The following DROSHA variants were observed in gnomAD, a reference collection of about 807,000 sequenced individuals.
The protein encoded by DROSHA is ribonuclease 3.
Under a neutral mutation model 181.9 loss-of-function variants are expected in DROSHA, and 56 were observed. That is an observed-to-expected ratio of 0.31 (90% CI 0.25 to 0.38). The LOEUF (loss-of-function observed/expected upper bound fraction) is 0.38, where lower values mean the gene tolerates loss of function less well. DROSHA is among the 10% of genes least tolerant of loss of function. DROSHA has a pLI of 1.00. For synonymous variants in DROSHA, 524 were observed against 591.2 expected, an observed-to-expected ratio of 0.89 and a Z score of 1.65; for missense variants, 1,218 against 1,743.5, an observed-to-expected ratio of 0.70 and a Z score of 5.37.
At position 31,528,258 on chromosome 5, in the gene DROSHA, A is replaced by G. The variant is rs149914055; in HGVS notation, c.20+782T>C. The stretch of plus-strand genomic sequence containing the variant: ...TCCCAAGTTACACCTTTAGCCCACA[A>G]CTTCTGAGCTCCAGACCCACACTGC... On this transcript the variant is annotated intron_variant, in intron 4 of 35. Coordinates refer to ENST00000344624, the MANE Select transcript of DROSHA (RefSeq NM_001382508.1). 5.1e-3 allele frequency among the ~76,000 whole-genome samples: 774 copies of G among 152,112 alleles called. 9 individuals carry two copies. Among genetic ancestry groups the G allele is most frequent in the African/African-American group, 0.018 (737 of 41,484 alleles).
chr5:31,400,726 C>T lies in DROSHA; in HGVS notation c.*706G>A, dbSNP rs1024699868. On this transcript the variant is annotated 3_prime_UTR_variant, in exon 36 of 36. Coordinates refer to ENST00000344624, the MANE Select transcript of DROSHA (RefSeq NM_001382508.1). ...ATAGTATTGGGAGGTTTTTGACTTC[C>T]TTGAAGTCTGTTCATTAACTTCTTA... The T allele has an allele frequency of 6.6e-6, 1 of 152,286 alleles. No individual in the cohort carries two copies. Among genetic ancestry groups the T allele is most frequent in the African/African-American group, 2.4e-5 (1 of 41,438 alleles). The allele number at this position is 152,286 out of a possible 1,614,324, so 9.4% of individuals were successfully genotyped here.
At position 31,521,126 on chromosome 5, in the gene DROSHA, C is replaced by T. The variant is rs756137496; in HGVS notation, c.944G>A (p.Gly315Glu). Reference protein sequence around the residue: ...RSYKKEYKRSGRSYGLSVVPE... With the variant: ...RSYKKEYKRSERSYGLSVVPE... Reference sequence around the variant, plus strand: ...TCAGTGTCAACTCCTTGCTTACCTTCCAGATCTCTTATACTCTTTTTTGTA... The same window carrying T: ...TCAGTGTCAACTCCTTGCTTACCTTTCAGATCTCTTATACTCTTTTTTGTA... Residue 315 changes from glycine to glutamate, a missense_variant, in exon 6 of 36, where the codon GGA becomes GAA. Transcript: ENST00000344624. The T allele has an allele frequency of 2.4e-5, 38 of 1,613,464 alleles. No homozygotes were observed. Among genetic ancestry groups the T allele is most frequent in the Non-Finnish European group, 3.1e-5 (36 of 1,179,572 alleles).
rs767861074 is a variant in DROSHA at position 31,431,662 on chromosome 5, C to T, written c.3059G>A (p.Arg1020Gln). The change falls in exon 26 of 36, where the codon CGA (arginine) becomes CAA (glutamine). Residue 1020 changes from arginine to glutamine, a missense_variant. Arg to Gln is a conservative substitution (Grantham distance 43). Coordinates refer to ENST00000344624, the MANE Select transcript of DROSHA (RefSeq NM_001382508.1). ...AGGCCCGTGAGCATACAGCATAAATCGATCCAGTTCAAGTTTCTACAAAAT... is the reference window on the plus strand; with the variant it reads ...AGGCCCGTGAGCATACAGCATAAATTGATCCAGTTCAAGTTTCTACAAAAT... ...AMLAKKLELDRFMLYAHGPDL... is the reference protein window; with the variant it reads ...AMLAKKLELDQFMLYAHGPDL... 12 of 1,613,854 alleles carry T rather than the reference C, an allele frequency of 7.4e-6. No homozygotes were observed. The highest frequency in any genetic ancestry group is 6.7e-5 in the Admixed American group (4 of 60,012).
In DROSHA at chr5:31,491,187, A is replaced by T. The variant is rs1008181713; in HGVS notation, c.1842+2020T>A. ...CAAAGAATTCACTTGTCCAAGGTTA[A>T]AAAAAAAAAAAAAAGGATTCAAAGA... On this transcript the variant is annotated intron_variant, in intron 13 of 35. Coordinates refer to ENST00000344624, the MANE Select transcript of DROSHA (RefSeq NM_001382508.1). 2.6e-5 allele frequency among the ~76,000 whole-genome samples: 3 copies of T among 115,256 alleles called. No homozygotes were observed. In the East Asian group the frequency reaches 9.8e-4, roughly 38 times the overall value. The allele number at this position is 115,256 out of a possible 152,430, so 75.6% of individuals were successfully genotyped here.
rs1193343281 is a variant in DROSHA, at chr5:31,530,915, G to A, written c.-164C>T. 4 of 398,524 alleles carry A rather than the reference G, an allele frequency of 1.0e-5. No individual in the cohort carries two copies. Among genetic ancestry groups the A allele is most frequent in the Non-Finnish European group, 1.8e-5 (4 of 226,046 alleles). The allele number at this position is 398,524 out of a possible 1,614,324, so 24.7% of individuals were successfully genotyped here. Reference sequence around the variant, plus strand: ...ATTTCTGTATCCTTCACATCCCCGGGAAAAGCAACCTACACACAGTAGGTG... The same window carrying A: ...ATTTCTGTATCCTTCACATCCCCGGAAAAAGCAACCTACACACAGTAGGTG... On this transcript the variant is annotated 5_prime_UTR_variant, in exon 3 of 36. Coordinates refer to ENST00000344624, the MANE Select transcript of DROSHA (RefSeq NM_001382508.1).
chr5:31,401,800 C>T (rs1740031283), intron 35 of DROSHA, among the ~76,000 whole-genome samples: 1 of 152,032 alleles, frequency 6.6e-6, no homozygotes, highest in South Asian at 2.1e-4. Flanking sequence ...CTGATGTGAA[C>T]TTGGGTATAG....
intron 4 of DROSHA, among the ~76,000 whole-genome samples, 159 bp downstream of exon 4, chr5:31,528,881 G>C (rs571006760): frequency 1.3e-5 from 2 of 152,304 alleles, no homozygotes; most frequent in Admixed American, 6.5e-5. Context: ...CCAGCCCTGG[G>C]CATGGCCCTC....
chr5:31,438,815 G>C (rs181284808), intron 23 of DROSHA, among the ~76,000 whole-genome samples: 1 of 152,156 alleles, frequency 6.6e-6, no homozygotes, highest in East Asian at 1.9e-4. Flanking sequence ...AACGAACCCA[G>C]GGAGTGCCGA....
At chr5:31,445,453 T>C (rs1746135182) in intron 23 of DROSHA, among the ~76,000 whole-genome samples, 1 of 152,212 alleles carries the variant, frequency 6.6e-6, no homozygotes, top group African/African-American at 2.4e-5. Flanking sequence ...ACTCGTTATA[T>C]GAGGCCAGTA....
intron 8 of DROSHA, among the ~76,000 whole-genome samples, chr5:31,513,274 T>C (rs1267939687): frequency 2.0e-5 from 3 of 152,128 alleles, no homozygotes; most frequent in African/African-American, 4.8e-5. Flanking sequence ...CTGTGGAAGA[T>C]GCTCAGGAAG....
At chr5:31,531,571 TTTTA>T (rs1324741183) in intron 1 of DROSHA, 46 bp from the exon 2 acceptor site, 2 of 152,198 alleles carry the variant, frequency 1.3e-5, no homozygotes, top group East Asian at 3.9e-4. Flanking sequence ...GTAAAAAGAA[TTTTA>T]AAGTGTGACT....
At chr5:31,410,273 C>CA (rs1332221156) in intron 31 of DROSHA, among the ~76,000 whole-genome samples, 1 of 152,198 alleles carries the variant, frequency 6.6e-6, no homozygotes, top group African/African-American at 2.4e-5. Flanking sequence ...GGATTATTTA[C>CA]AATGCTGCCA....
At chr5:31,440,179 A>G (rs368703392) in intron 23 of DROSHA, among the ~76,000 whole-genome samples, 1 of 152,102 alleles carries the variant, frequency 6.6e-6, no homozygotes, top group Non-Finnish European at 1.5e-5. Flanking sequence ...TCATTCCTAC[A>G]GTCAACTGGG....
At chr5:31,517,545 T>G (rs967251705) in intron 6 of DROSHA, among the ~76,000 whole-genome samples, 3 of 152,222 alleles carry the variant, frequency 2.0e-5, no homozygotes, top group African/African-American at 7.2e-5. Flanking sequence ...ATATTCTTTA[T>G]CACATGTAAC....
chr5:31,531,097 G>A (rs529770867), intron 2 of DROSHA, among the ~76,000 whole-genome samples, 173 bp from the exon 3 acceptor site: 1 of 152,284 alleles, frequency 6.6e-6, no homozygotes, highest in South Asian at 2.1e-4. Context: ...AGGCCCTGTA[G>A]ACTCAGAGAT....
intron 4 of DROSHA, chr5:31,527,602 A>AG: frequency 1.3e-5 from 2 of 153,048 alleles, no homozygotes; most frequent in Non-Finnish European, 2.9e-5. Flanking sequence ...TTATGATGGG[A>AG]TTAGTACCCT....
rs1740578879 is a variant in DROSHA, at chr5:31,526,444, C to T, written c.489G>A (p.Gln163=). 1 of 1,606,548 alleles carries T rather than the reference C, an allele frequency of 6.2e-7. No homozygotes were observed. The highest frequency in any genetic ancestry group is 8.5e-7 in the Non-Finnish European group (1 of 1,175,916). Residue 163 remains glutamine, a synonymous_variant, in exon 5 of 36, where the codon CAG becomes CAA. Coordinates refer to ENST00000344624, the MANE Select transcript of DROSHA (RefSeq NM_001382508.1). ...AGCCCGGAGGGTACTGATAATTAAC[C>T]TGCTGCGGCATGACTGGAGGGGGCG... ...HPPPPPVMPQ[Q]VNYQYPPGYS... is the part of the protein sequence containing the mutation.
chr5:31,445,861 A>T (rs618885), intron 23 of DROSHA, among the ~76,000 whole-genome samples: 10 of 152,224 alleles, frequency 6.6e-5, no homozygotes, highest in African/African-American at 1.7e-4. Context: ...TCCTACTGAG[A>T]TTAGGAAGAC....
chr5:31,484,372 C>A, intron 15 of DROSHA, among the ~76,000 whole-genome samples: 1 of 92,026 alleles, frequency 1.1e-5, no homozygotes, highest in Admixed American at 1.4e-4. Context: ...CAGAGCGAGA[C>A]TCCGTCTCAA....
Sources: gnomAD v4.1 joint callset for allele counts (sites outside exome capture counted in the v4.1 genomes callset) on GRCh38, gnomAD v4.1.1 for gene constraint, MANE v1.5 for transcripts, NCBI Gene and HGNC (gene_info 2026-07-23, HGNC 2026-07-21) for gene names.